Variants in PIK3R1 observed in about 807,000 individuals in gnomAD.
PIK3R1 encodes the protein phosphoinositide-3-kinase regulatory subunit 1.
Under a neutral mutation model 98.0 loss-of-function variants are expected in PIK3R1, and 29 were observed. That is an observed-to-expected ratio of 0.30 (90% CI 0.22 to 0.40). The LOEUF (loss-of-function observed/expected upper bound fraction) is 0.40, where lower values mean the gene tolerates loss of function less well. PIK3R1 is among the 10% of genes least tolerant of loss of function. The pLI, the probability that PIK3R1 is intolerant of heterozygous loss-of-function variation, is 1.00. For synonymous variants in PIK3R1, 282 were observed against 311.8 expected (o/e 0.90, Z 1.01); for missense variants, 596 against 872.7 (o/e 0.68, Z 3.99).
At chr5:68,292,795 G>C (rs904210486) in intron 8 of PIK3R1, 14 of 1,239,104 alleles carry the variant, frequency 1.1e-5, no homozygotes, top group African/African-American at 1.5e-5. Context: ...GTAATGTTTG[G>C]TTGAAAAAAT....
chr5:68,237,239 C>G (rs902131496), intron 2 of PIK3R1, among the ~76,000 whole-genome samples: 1 of 152,028 alleles, frequency 6.6e-6, no homozygotes, highest in East Asian at 1.9e-4. Flanking sequence ...AAACAAGAAA[C>G]CTGAAGTTGA....
intron 7 of PIK3R1, chr5:68,288,841 GC>G: frequency 1.5e-6 from 2 of 1,314,746 alleles, no homozygotes; most frequent in South Asian, 2.4e-5. Flanking sequence ...GTGTGCGTGC[GC>G]CCCTGTAAGC....
At chr5:68,239,712 TG>T (rs1348869884) in intron 2 of PIK3R1, among the ~76,000 whole-genome samples, 3 of 152,204 alleles carry the variant, frequency 2.0e-5, no homozygotes, top group Non-Finnish European at 4.4e-5. Flanking sequence ...CACTGCTTGA[TG>T]CTGCTGACTT....
intron 1 of PIK3R1, among the ~76,000 whole-genome samples, chr5:68,225,098 C>A (rs1405170918): frequency 6.6e-6 from 1 of 152,224 alleles, no homozygotes; most frequent in Non-Finnish European, 1.5e-5. Context: ...TGTCTGGATG[C>A]CTTTGCAGGA....
rs1580262909 is a variant in PIK3R1, at chr5:68,293,822, C to T, written c.1413C>T (p.Thr471=). The stretch of plus-strand genomic sequence containing the variant: ...ATGATAGATTATATGAAGAATATAC[C>T]CGCACATCCCAGGTGAGTTTTCTAT... ...REYDRLYEEY[T]RTSQEIQMKR... The change falls in exon 11 of 16, where the codon ACC becomes ACT. Residue 471 remains threonine (T), a synonymous_variant. Coordinates refer to ENST00000521381, the MANE Select transcript of PIK3R1 (RefSeq NM_181523.3). 1.0e-5 allele frequency: 16 copies of T among 1,569,984 alleles called. No homozygotes were observed. Among genetic ancestry groups the T allele is most frequent in the Admixed American group, 2.0e-5 (1 of 49,620 alleles).
At chr5:68,227,283 A>G (rs1744314842) in intron 2 of PIK3R1, among the ~76,000 whole-genome samples, 2 of 152,214 alleles carry the variant, frequency 1.3e-5, no homozygotes, top group South Asian at 4.1e-4. Flanking sequence ...TCATTGAATT[A>G]AACATCTACT....
intron 4 of PIK3R1, among the ~76,000 whole-genome samples, chr5:68,277,277 T>C (rs2112179413): frequency 6.6e-6 from 1 of 152,314 alleles, no homozygotes; most frequent in Middle Eastern, 3.4e-3. Context: ...TTTGACAGTA[T>C]TTAATTATGC....
chr5:68,261,852 A>G (rs1336784826), intron 2 of PIK3R1, among the ~76,000 whole-genome samples: 1 of 152,218 alleles, frequency 6.6e-6, no homozygotes, highest in Non-Finnish European at 1.5e-5. Flanking sequence ...CTGATAGAAC[A>G]AAATGTACAA....
chr5:68,262,900 T>TACATGTAG (rs1745907018), intron 2 of PIK3R1, among the ~76,000 whole-genome samples: 4 of 79,092 alleles, frequency 5.1e-5, no homozygotes, highest in Non-Finnish European at 1.0e-4. Context: ...TGTATACATA[T>TACATGTAG]ATACATGTAG....
chr5:68,263,578 T>A (rs540631269), intron 2 of PIK3R1, among the ~76,000 whole-genome samples: 46 of 152,148 alleles, frequency 3.0e-4, no homozygotes, highest in Non-Finnish European at 6.6e-4. Context: ...CACCTTTGTC[T>A]GAAGTAGTGA....
At chr5:68,250,430 G>A (rs1442847962) in intron 2 of PIK3R1, among the ~76,000 whole-genome samples, 6 of 152,248 alleles carry the variant, frequency 3.9e-5, no homozygotes, top group African/African-American at 1.2e-4. Context: ...AAAGTCAGGC[G>A]TGGGGGGATT....
In PIK3R1 at chr5:68,279,648, T is replaced by C. The variant is rs374277287; in HGVS notation, c.549T>C (p.Ala183=). The change falls in exon 5 of 16, where the codon GCT becomes GCC. Residue 183 remains alanine (A), a synonymous_variant. Coordinates refer to ENST00000521381, the MANE Select transcript of PIK3R1 (RefSeq NM_181523.3). ...DLEMIDVHVL[A]DAFKRYLLDL... is the part of the protein sequence containing the mutation. The stretch of plus-strand genomic sequence containing the variant: ...AAATGATCGATGTGCACGTTTTGGC[T>C]GACGCTTTCAAACGCTATCTCCTGG... 26 of 1,613,864 alleles carry C rather than the reference T, an allele frequency of 1.6e-5. No homozygotes were observed. Among genetic ancestry groups the C allele is most frequent in the East Asian group, 1.3e-4 (6 of 44,896 alleles).
intron 15 of PIK3R1, among the ~76,000 whole-genome samples, chr5:68,296,689 G>C (rs1747728551): frequency 6.6e-6 from 1 of 151,908 alleles, no homozygotes; most frequent in African/African-American, 2.4e-5. Context: ...ACTATAGTTA[G>C]AATCTGAGGT....
chr5:68,228,364 A>AGG (rs760331935), intron 2 of PIK3R1, among the ~76,000 whole-genome samples: 2 of 152,206 alleles, frequency 1.3e-5, no homozygotes, highest in Admixed American at 6.5e-5. Flanking sequence ...TGATACCTGA[A>AGG]GGGAAGCCCT....
At chr5:68,262,973 A>C (rs1233843758) in intron 2 of PIK3R1, among the ~76,000 whole-genome samples, 1 of 19,786 alleles carries the variant, frequency 5.1e-5, no homozygotes, top group East Asian at 1.6e-3. Flanking sequence ...GTATACATAT[A>C]TACATGTAGA....
At chr5:68,266,125 C>CT (rs1746113488) in intron 2 of PIK3R1, among the ~76,000 whole-genome samples, 1 of 152,204 alleles carries the variant, frequency 6.6e-6, no homozygotes, top group Admixed American at 6.5e-5. Flanking sequence ...TCTAGTCTGC[C>CT]AGTAGCATCT....
chr5:68,244,787 C>A (rs1011304719), intron 2 of PIK3R1, among the ~76,000 whole-genome samples: 2 of 152,172 alleles, frequency 1.3e-5, no homozygotes, highest in African/African-American at 4.8e-5. Flanking sequence ...TCTAATGTGA[C>A]TCTGTGGGAC....
In PIK3R1 at chr5:68,299,595, C is replaced by CTAAT. The variant is rs1465304943; in HGVS notation, c.*1995_*1998dup. On this transcript the variant is annotated 3_prime_UTR_variant, in exon 16 of 16. Transcript: ENST00000521381. ...TAGCAACCATAATATGGTCACTACC[C>CTAAT]TAATAGACTAAATGAAATCTTGCAA... 4.3e-5 allele frequency: 10 copies of CTAAT among 233,088 alleles called. No individual in the cohort carries two copies. Among genetic ancestry groups the CTAAT allele is most frequent in the Non-Finnish European group, 5.9e-5 (7 of 118,038 alleles). The allele number at this position is 233,088 out of a possible 1,614,324, so 14.4% of individuals were successfully genotyped here.
rs1232588362 is a variant in PIK3R1, at chr5:68,299,507, G to A, written c.*1906G>A. The A allele has an allele frequency of 2.1e-5, 5 of 233,194 alleles. No homozygotes were observed. Among genetic ancestry groups the A allele is most frequent in the Non-Finnish European group, 4.2e-5 (5 of 118,034 alleles). The allele number at this position is 233,194 out of a possible 1,614,324, so 14.4% of individuals were successfully genotyped here. ...GTGAGAGGTCTCTCTTCCTGATTTA[G>A]ATATGCAAAAGCTGGTATGTTCAGT... On this transcript the variant is annotated 3_prime_UTR_variant, in exon 16 of 16. Transcript: ENST00000521381.
Sources: gnomAD v4.1 joint callset for allele counts (sites outside exome capture counted in the v4.1 genomes callset) on GRCh38, gnomAD v4.1.1 for gene constraint, MANE v1.5 for transcripts, NCBI Gene and HGNC (gene_info 2026-07-23, HGNC 2026-07-21) for gene names.